MAP3K14: variants seen among roughly 807,000 people sequenced by gnomAD.
The protein encoded by MAP3K14 is mitogen-activated protein kinase kinase kinase 14, also known as NF-kappa-beta-inducing kinase.
In MAP3K14, 16 loss-of-function variants were observed where a neutral mutation model predicts 99.2. That is an observed-to-expected ratio of 0.16 (90% CI 0.11 to 0.24). The LOEUF (loss-of-function observed/expected upper bound fraction) is 0.24, where lower values mean the gene tolerates loss of function less well. Ranked by LOEUF, MAP3K14 falls within the 10% of genes least tolerant of loss-of-function variation. The pLI, the probability that MAP3K14 is intolerant of heterozygous loss-of-function variation, is 1.00. For missense variants in MAP3K14, 784 were observed against 1,208.7 expected (o/e 0.65, Z 5.21); for synonymous variants, 462 against 492.4 (o/e 0.94, Z 0.82).
At chr17:45,316,815 T>C (rs904628713) in intron 1 of MAP3K14, 145 bp downstream of exon 1, 1 of 151,744 alleles carries the variant, frequency 6.6e-6, no homozygotes, top group South Asian at 2.1e-4. Flanking sequence ...ACGGGGTACG[T>C]CGGACTGCGC....
rs980610440 is a variant in MAP3K14, at chr17:45,290,486, C to T, written c.256+4G>A. On this transcript the variant is annotated splice_donor_region_variant and intron_variant, in intron 2 of 15. Transcript: ENST00000344686. Reference sequence around the variant, plus strand: ...CCGTGCCCACAACAACCCTAGGCCCCTACACTCAGCCTGGGCGATGATAGA... The same window carrying T: ...CCGTGCCCACAACAACCCTAGGCCCTTACACTCAGCCTGGGCGATGATAGA... 6.2e-7 allele frequency: 1 copy of T among 1,613,764 alleles called. No homozygotes were observed. Among genetic ancestry groups the T allele is most frequent in the African/African-American group, 1.3e-5 (1 of 74,912 alleles).
At chr17:45,304,426 T>C (rs1017322067) in intron 1 of MAP3K14, among the ~76,000 whole-genome samples, 2 of 152,254 alleles carry the variant, frequency 1.3e-5, no homozygotes, top group Admixed American at 6.5e-5. Context: ...ACTCTACCCT[T>C]ATTCACATTT....
At chr17:45,279,422 C>T (rs2044203627) in intron 6 of MAP3K14, among the ~76,000 whole-genome samples, 2 of 151,372 alleles carry the variant, frequency 1.3e-5, no homozygotes, top group Non-Finnish European at 2.9e-5. Flanking sequence ...CCACCACACC[C>T]AGCCTTCTTT....
At chr17:45,266,425 T>A (rs755259459) in intron 14 of MAP3K14, 112 bp downstream of exon 14, 15 of 1,396,086 alleles carry the variant, frequency 1.1e-5, no homozygotes, top group African/African-American at 2.9e-5. Flanking sequence ...CCAGGCGCCT[T>A]CCTCCCTCCC....
intron 1 of MAP3K14, among the ~76,000 whole-genome samples, chr17:45,305,438 C>T (rs375846888): frequency 1.1e-4 from 17 of 150,566 alleles, no homozygotes; most frequent in African/African-American, 4.2e-4. Flanking sequence ...TGCTGTCACC[C>T]AGGCTGGAGT....
Position 45,267,340 on chromosome 17 carries a change from C to T in MAP3K14, c.2326+66G>A, listed in dbSNP as rs2044096568. The T allele has an allele frequency of 3.3e-6, 5 of 1,499,992 alleles. No individual in the cohort carries two copies. The highest frequency in any genetic ancestry group is 4.5e-6 in the Non-Finnish European group (5 of 1,105,496). The allele number at this position is 1,499,992 out of a possible 1,614,324, so 92.9% of individuals were successfully genotyped here. A position where few individuals can be genotyped will look rare whatever the true frequency, so the allele number is the denominator to read the frequency against. On this transcript the variant is annotated intron_variant, in intron 12 of 15. Transcript: ENST00000344686. The surrounding 1 kb of genome is among the most constrained non-coding windows in gnomAD (Gnocchi z 5.1). ...AGCCCACACCGCAGGTAAAGAGAAA[C>T]ACCGGCCTCCGCGGGTGGCCCAGGG...
intron 6 of MAP3K14, among the ~76,000 whole-genome samples, chr17:45,277,430 A>T (rs1351558167): frequency 6.6e-6 from 1 of 152,178 alleles, no homozygotes; most frequent in East Asian, 1.9e-4. Context: ...AGACTTGCTG[A>T]CTTGGCAAAC....
chr17:45,276,010 G>A (rs1291494318), intron 6 of MAP3K14, among the ~76,000 whole-genome samples: 3 of 151,972 alleles, frequency 2.0e-5, no homozygotes, highest in Non-Finnish European at 4.4e-5. Context: ...ATTTGCCTGC[G>A]TTGGCCTCCC....
chr17:45,313,327 G>GAACAACAAC (rs754915065), intron 1 of MAP3K14, among the ~76,000 whole-genome samples: 16 of 151,742 alleles, frequency 1.1e-4, no homozygotes, highest in African/African-American at 3.1e-4. Context: ...CCACCAACAA[G>GAACAACAAC]AACAACAACA....
At position 45,272,570 on chromosome 17, in the gene MAP3K14, G is replaced by T. The variant is rs983624759; in HGVS notation, c.1657+933C>A. The stretch of plus-strand genomic sequence containing the variant: ...ATCCTTAAGGCTATACATGAAAAAC[G>T]CAGGGCACAAAATTGTGTTATAATG... On this transcript the variant is annotated intron_variant, in intron 9 of 15. Transcript: ENST00000344686. This position sits in a 1 kb window ranked among gnomAD's most constrained non-coding sequence, Gnocchi z 4.1. 1.3e-5 allele frequency among the ~76,000 whole-genome samples: 2 copies of T among 152,128 alleles called. No homozygotes were observed. The highest frequency in any genetic ancestry group is 4.8e-5 in the African/African-American group (2 of 41,420).
intron 6 of MAP3K14, among the ~76,000 whole-genome samples, chr17:45,279,891 C>T (rs2044208515): frequency 6.6e-6 from 1 of 152,228 alleles, no homozygotes; most frequent in African/African-American, 2.4e-5. Context: ...TATTTTCTCA[C>T]CTCTATCGAG....
chr17:45,270,386 G>T (rs1391379720), intron 11 of MAP3K14, 27 bp downstream of exon 11: 3 of 1,602,436 alleles, frequency 1.9e-6, no homozygotes, highest in Non-Finnish European at 2.6e-6. Context: ...CTGCCCCCCG[G>T]GTCAGCCAGC....
chr17:45,301,110 G>A (rs888553558), intron 1 of MAP3K14, among the ~76,000 whole-genome samples: 1 of 151,490 alleles, frequency 6.6e-6, no homozygotes, highest in Admixed American at 6.6e-5. Flanking sequence ...CAAGGTTGCA[G>A]TGAGCCATGA....
At chr17:45,268,161 C>T (rs1273147411) in intron 11 of MAP3K14, 3 of 172,204 alleles carry the variant, frequency 1.7e-5, no homozygotes, top group African/African-American at 4.8e-5. Context: ...ACCCCATCCT[C>T]AGTCGGTACT....
Position 45,286,908 on chromosome 17 carries a change from T to A in MAP3K14, c.675A>T (p.Glu225Asp), listed in dbSNP as rs1393030555. 1.2e-6 allele frequency: 2 copies of A among 1,613,824 alleles called. No individual in the cohort carries two copies. The highest frequency in any genetic ancestry group is 2.7e-5 in the African/African-American group (2 of 74,894). ...EGLRPALPRS[E>D]LHKLISPLQC... ...GCAAGGGGCTGATCAGTTTGTGGAG[T>A]TCTGATCGAGGCAGAGCCGGCCGTA... Residue 225 changes from glutamate (E) to aspartate (D), a missense_variant, in exon 5 of 16, where the codon GAA (glutamate) becomes GAT (aspartate). Glu to Asp is a conservative substitution (Grantham distance 45, BLOSUM62 2). Transcript: ENST00000344686. The surrounding 1 kb of genome is among the most constrained non-coding windows in gnomAD (Gnocchi z 4.1).
At chr17:45,287,398 A>T in intron 3 of MAP3K14, 34 bp from the exon 4 acceptor site, 4 of 1,589,098 alleles carry the variant, frequency 2.5e-6, no homozygotes, top group Non-Finnish European at 3.5e-6. Flanking sequence ...CATATTGAGC[A>T]CGAGGAAGCA....
chr17:45,275,556 G>A (rs749896716), intron 6 of MAP3K14, among the ~76,000 whole-genome samples: 31 of 151,144 alleles, frequency 2.1e-4, no homozygotes, highest in Non-Finnish European at 4.0e-4. Context: ...TCGTCATCCT[G>A]GCTGCTGGCA....
intron 6 of MAP3K14, among the ~76,000 whole-genome samples, chr17:45,276,618 TCTC>T (rs2044182044): frequency 6.6e-6 from 1 of 151,192 alleles, no homozygotes; most frequent in Non-Finnish European, 1.5e-5. Context: ...TTCAAGCAAT[TCTC>T]CTGCCTCAGC....
intron 1 of MAP3K14, among the ~76,000 whole-genome samples, chr17:45,316,340 GTTATA>G (rs1216650372): frequency 6.6e-6 from 1 of 152,222 alleles, no homozygotes; most frequent in Non-Finnish European, 1.5e-5. Flanking sequence ...AGATGGGAAT[GTTATA>G]TTTGAACCGA....
Sources: allele counts gnomAD v4.1 joint callset (sites outside exome capture counted in the v4.1 genomes callset), GRCh38; gene constraint gnomAD v4.1.1; non-coding constraint Gnocchi (gnomAD v3.1); transcripts MANE v1.5; gene names NCBI Gene and HGNC (gene_info 2026-07-23, HGNC 2026-07-21).